The following FMNL2 variants were observed in gnomAD, a reference collection of about 807,000 sequenced individuals.
FMNL2 encodes formin like 2.
FMNL2 carries 51 observed loss-of-function variants against 130.2 expected under a neutral mutation model. The ratio of observed to expected loss-of-function variants is 0.39; its 90% CI spans 0.31 to 0.49. The LOEUF (loss-of-function observed/expected upper bound fraction) is 0.49, where lower values mean the gene tolerates loss of function less well. Ranked by LOEUF, FMNL2 falls within the 20% of genes least tolerant of loss-of-function variation. FMNL2 has a pLI of 0.85. For synonymous variants in FMNL2, 465 were observed against 467.1 expected, an observed-to-expected ratio of 1.00 and a Z score of 0.06; for missense variants, 977 against 1,316.2, an observed-to-expected ratio of 0.74 and a Z score of 3.99.
At chr2:152,445,144 A>T (rs775463555) in intron 1 of FMNL2, among the ~76,000 whole-genome samples, 6 of 152,218 alleles carry the variant, frequency 3.9e-5, no homozygotes, top group Non-Finnish European at 5.9e-5. Flanking sequence ...CAGAGTCTCA[A>T]TTCTTTAAAG....
rs1194694103 is a variant in FMNL2, at chr2:152,589,936, T to TATAC, written c.876+8891_876+8894dup. On this transcript the variant is annotated intron_variant, in intron 9 of 25. Coordinates refer to ENST00000288670, the MANE Select transcript of FMNL2 (RefSeq NM_052905.4). Reference sequence around the variant, plus strand: ...AGGCATGTACCACCACACCTGGCTTTATACATATATATATATATATATATA... The same window carrying TATAC: ...AGGCATGTACCACCACACCTGGCTTTATACATACATATATATATATATATATATA... Among the ~76,000 whole-genome samples, 714 of 74,948 alleles carry TATAC rather than the reference T, an allele frequency of 9.5e-3. 7 individuals carry two copies. Among genetic ancestry groups the TATAC allele is most frequent in the Non-Finnish European group, 0.015 (590 of 40,396 alleles). 49.2% of individuals were successfully genotyped at this position (74,948 alleles called of 152,430 possible).
intron 1 of FMNL2, among the ~76,000 whole-genome samples, chr2:152,412,483 T>A (rs1291450387): frequency 3.4e-5 from 1 of 29,004 alleles, no homozygotes; most frequent in Non-Finnish European, 8.7e-5. Context: ...TATATATATA[T>A]ATATATATAT....
chr2:152,502,831 T>C (rs916334152), intron 1 of FMNL2, among the ~76,000 whole-genome samples: 1 of 152,130 alleles, frequency 6.6e-6, no homozygotes, highest in Non-Finnish European at 1.5e-5. Flanking sequence ...TAAGGGGGTT[T>C]ATTTCCTTCA....
chr2:152,569,081 A>G (rs2105651245), intron 6 of FMNL2, among the ~76,000 whole-genome samples: 1 of 149,228 alleles, frequency 6.7e-6, no homozygotes, highest in Admixed American at 6.7e-5. Flanking sequence ...GACTAGCTCA[A>G]AATTTTGTAG....
intron 1 of FMNL2, among the ~76,000 whole-genome samples, chr2:152,495,849 C>T (rs912583304): frequency 1.3e-5 from 2 of 151,818 alleles, no homozygotes; most frequent in South Asian, 2.1e-4. Flanking sequence ...TCTGATTCTA[C>T]GTTAGTATTT....
chr2:152,477,962 CT>C (rs1335602128), intron 1 of FMNL2, among the ~76,000 whole-genome samples: 4 of 151,996 alleles, frequency 2.6e-5, no homozygotes, highest in Non-Finnish European at 5.9e-5. Flanking sequence ...CTAAACCAAG[CT>C]TCTGGCACCG....
intron 6 of FMNL2, among the ~76,000 whole-genome samples, chr2:152,562,396 G>A (rs917916160): frequency 5.9e-5 from 9 of 152,200 alleles, no homozygotes; most frequent in African/African-American, 2.2e-4. Flanking sequence ...TCAGATTGCA[G>A]CCAGTGAATA....
At chr2:152,363,648 G>A (rs959064539) in intron 1 of FMNL2, among the ~76,000 whole-genome samples, 2 of 151,698 alleles carry the variant, frequency 1.3e-5, no homozygotes, top group Non-Finnish European at 2.9e-5. Flanking sequence ...TGCAACTTCC[G>A]CTTCCTGGGT....
At chr2:152,626,033 AATT>A (rs540424152) in intron 16 of FMNL2, among the ~76,000 whole-genome samples, 1 of 151,392 alleles carries the variant, frequency 6.6e-6, no homozygotes, top group East Asian at 1.9e-4. Context: ...TTTATTTTTA[AATT>A]ATTATTATTA....
intron 22 of FMNL2, among the ~76,000 whole-genome samples, chr2:152,636,866 C>G (rs910945778): frequency 1.3e-5 from 2 of 152,142 alleles, no homozygotes; most frequent in Non-Finnish European, 2.9e-5. Flanking sequence ...GTGCTGTATT[C>G]AGTTCAGCCC....
chr2:152,492,699 G>C (rs1057301597), intron 1 of FMNL2, among the ~76,000 whole-genome samples: 3 of 152,104 alleles, frequency 2.0e-5, no homozygotes, highest in Non-Finnish European at 4.4e-5. Context: ...TGGTGTTTCA[G>C]TATTTTGTTT....
chr2:152,502,408 C>T (rs1053942551), intron 1 of FMNL2, among the ~76,000 whole-genome samples: 6 of 152,110 alleles, frequency 3.9e-5, no homozygotes, highest in African/African-American at 1.2e-4. Flanking sequence ...GCCTTTGGGC[C>T]GGGCGTGGTG....
At chr2:152,427,519 T>A (rs548935546) in intron 1 of FMNL2, among the ~76,000 whole-genome samples, 11 of 152,318 alleles carry the variant, frequency 7.2e-5, no homozygotes, top group African/African-American at 2.6e-4. Context: ...CACTCCAGCC[T>A]AGGCGATAGA....
intron 1 of FMNL2, among the ~76,000 whole-genome samples, chr2:152,459,447 C>G (rs1689123467): frequency 6.6e-6 from 1 of 152,164 alleles, no homozygotes; most frequent in South Asian, 2.1e-4. Context: ...GATTTATATA[C>G]AAAATTGATT....
chr2:152,383,638 C>A (rs931512769), intron 1 of FMNL2, among the ~76,000 whole-genome samples: 3 of 152,056 alleles, frequency 2.0e-5, no homozygotes, highest in African/African-American at 7.2e-5. Context: ...ATAATAATAT[C>A]TTACTGTTAT....
chr2:152,474,100 C>T (rs1037534024), intron 1 of FMNL2, among the ~76,000 whole-genome samples: 1 of 152,098 alleles, frequency 6.6e-6, no homozygotes, highest in Non-Finnish European at 1.5e-5. Context: ...TGGTCTCAAA[C>T]TCCTGGCCTC....
intron 6 of FMNL2, among the ~76,000 whole-genome samples, chr2:152,565,724 A>G (rs1449783017): frequency 6.6e-6 from 1 of 152,110 alleles, no homozygotes; most frequent in East Asian, 1.9e-4. Flanking sequence ...ACTACCATTA[A>G]TATTTCTTCT....
intron 9 of FMNL2, among the ~76,000 whole-genome samples, chr2:152,590,681 C>A (rs747337796): frequency 6.0e-5 from 9 of 151,126 alleles, no homozygotes; most frequent in Non-Finnish European, 1.2e-4. Context: ...GATATGTTAA[C>A]CAGGAAGAAG....
intron 2 of FMNL2, among the ~76,000 whole-genome samples, chr2:152,532,322 A>G (rs991898116): frequency 6.6e-6 from 1 of 152,162 alleles, no homozygotes; most frequent in Non-Finnish European, 1.5e-5. Context: ...TATATACAAT[A>G]ATGTTCACCA....
Sources: gnomAD v4.1 joint callset for allele counts (sites outside exome capture counted in the v4.1 genomes callset) on GRCh38, gnomAD v4.1.1 for gene constraint, MANE v1.5 for transcripts, NCBI Gene and HGNC (gene_info 2026-07-23, HGNC 2026-07-21) for gene names.